TANGO6: variants seen among roughly 807,000 people sequenced by gnomAD.
TANGO6 encodes transport and golgi organization 6 homolog.
A neutral mutation model predicts 114.2 loss-of-function variants in TANGO6; 90 were observed. The ratio of observed to expected loss-of-function variants is 0.79; its 90% CI spans 0.66 to 0.94. TANGO6 has a LOEUF of 0.94. Ranked by LOEUF, TANGO6 falls within the 40% of genes least tolerant of loss-of-function variation. TANGO6 has a pLI of 0.00. For synonymous variants in TANGO6, 477 were observed against 509.8 expected (o/e 0.94, Z 0.87); for missense variants, 1,274 against 1,315.3 (o/e 0.97, Z 0.49).
Position 68,867,065 on chromosome 16 carries a change from C to A in TANGO6, c.853-14C>A. On this transcript the variant is annotated splice_polypyrimidine_tract_variant and intron_variant, in intron 3 of 17. Transcript: ENST00000261778. ...CAGTGACATTCAGAATTCACACCTT[C>A]TTCTTTTTCTCAGTCCTGCACAGAT... 6.9e-7 allele frequency: 1 copy of A among 1,449,392 alleles called. No individual in the cohort carries two copies. Among genetic ancestry groups the A allele is most frequent in the Non-Finnish European group, 9.2e-7 (1 of 1,082,668 alleles). The allele number at this position is 1,449,392 out of a possible 1,614,324, so 89.8% of individuals were successfully genotyped here.
At chr16:68,851,509 G>A (rs1415878900) in intron 1 of TANGO6, among the ~76,000 whole-genome samples, 1 of 152,162 alleles carries the variant, frequency 6.6e-6, no homozygotes, top group South Asian at 2.1e-4. Flanking sequence ...ATGATGGTAC[G>A]TATAAATCTT....
intron 15 of TANGO6, among the ~76,000 whole-genome samples, chr16:69,005,887 C>G (rs1597055138): frequency 6.6e-6 from 1 of 151,994 alleles, no homozygotes; most frequent in African/African-American, 2.4e-5. Flanking sequence ...ACATAAGGAC[C>G]TCCAAGAGTC....
At chr16:68,945,800 C>T (rs1401626191) in intron 14 of TANGO6, among the ~76,000 whole-genome samples, 1 of 151,960 alleles carries the variant, frequency 6.6e-6, no homozygotes. Flanking sequence ...ATTCTCCTGC[C>T]CCAGCCTCCT....
rs1962998725 is a variant in TANGO6, at chr16:68,916,015, G to A, written c.1993-3070G>A. ...ATTTGTGTGCTGTCATTTATTCAAA[G>A]GTGTTTTTACTTAAGTTGATTAATC... On this transcript the variant is annotated intron_variant, in intron 11 of 17. Coordinates refer to ENST00000261778, the MANE Select transcript of TANGO6 (RefSeq NM_024562.2). Among the ~76,000 whole-genome samples the A allele has an allele frequency of 2.6e-5, 4 of 152,204 alleles. No individual in the cohort carries two copies. The South Asian group carries it at 8.3e-4, about 32-fold the overall frequency.
rs550017051 is a variant in TANGO6, at chr16:68,893,434, G to A, written c.1378-7000G>A. Among the ~76,000 whole-genome samples the A allele has an allele frequency of 3.5e-4, 53 of 152,080 alleles. No individual in the cohort carries two copies. The South Asian group carries it at 8.5e-3, about 24-fold the overall frequency. The stretch of plus-strand genomic sequence containing the variant: ...TATGCTTCTTAGGAACATCTTTATC[G>A]TAGGTAGAAATCATACATGAAGTGG... On this transcript the variant is annotated intron_variant, in intron 7 of 17. Transcript: ENST00000261778.
chr16:68,994,137 T>C (rs1170612803), intron 15 of TANGO6, among the ~76,000 whole-genome samples: 5 of 152,334 alleles, frequency 3.3e-5, no homozygotes, highest in African/African-American at 1.2e-4. Context: ...AGTCCTGGCA[T>C]CTCCTGTTTC....
chr16:69,067,720 T>A, intron 17 of TANGO6, among the ~76,000 whole-genome samples: 1 of 151,380 alleles, frequency 6.6e-6, no homozygotes, highest in African/African-American at 2.4e-5. Flanking sequence ...GGCGGATCAC[T>A]TGAAGTTGGG....
chr16:68,853,839 G>A (rs149645160), intron 1 of TANGO6, among the ~76,000 whole-genome samples: 146 of 152,172 alleles, frequency 9.6e-4, no homozygotes, highest in African/African-American at 3.4e-3. Context: ...GTATGTAGTG[G>A]TATCTCATTG....
At chr16:68,872,874 T>A (rs9673651) in intron 4 of TANGO6, among the ~76,000 whole-genome samples, 12,462 of 151,360 alleles carry the variant, frequency 0.082, 1,013 homozygotes, top group African/African-American at 0.21. Context: ...TATATTTTTT[T>A]AAATTTTTAG....
At chr16:68,920,018 G>A (rs1034566386) in intron 12 of TANGO6, among the ~76,000 whole-genome samples, 1 of 152,346 alleles carries the variant, frequency 6.6e-6, no homozygotes, top group African/African-American at 2.4e-5. Flanking sequence ...TTGCACTCCA[G>A]CCTGGGTGAC....
At chr16:68,930,426 C>A in intron 14 of TANGO6, 131 bp downstream of exon 14, 1 of 695,354 alleles carries the variant, frequency 1.4e-6, no homozygotes. Flanking sequence ...TGCCTCCTAG[C>A]TAGGACACTT....
chr16:68,867,294 C>CT, intron 4 of TANGO6, 74 bp downstream of exon 4: 1 of 1,583,014 alleles, frequency 6.3e-7, no homozygotes, highest in Non-Finnish European at 8.6e-7. Flanking sequence ...AATTATTGGT[C>CT]TTTAGTATTT....
intron 15 of TANGO6, among the ~76,000 whole-genome samples, chr16:69,000,531 A>C (rs1964031262): frequency 6.6e-6 from 1 of 151,964 alleles, no homozygotes; most frequent in African/African-American, 2.4e-5. Flanking sequence ...GGCCAACTGA[A>C]TCTCTTTTCT....
At chr16:68,914,963 AC>A (rs1312650563) in intron 11 of TANGO6, among the ~76,000 whole-genome samples, 1 of 88,044 alleles carries the variant, frequency 1.1e-5, no homozygotes. Context: ...ATATCTACAC[AC>A]ACACACACAC....
At chr16:68,899,212 G>A (rs540744896) in intron 7 of TANGO6, among the ~76,000 whole-genome samples, 2 of 152,080 alleles carry the variant, frequency 1.3e-5, no homozygotes, top group Non-Finnish European at 2.9e-5. Flanking sequence ...GATTGAGGCT[G>A]CAGTGAGCTG....
intron 16 of TANGO6, among the ~76,000 whole-genome samples, chr16:69,027,524 C>T (rs767659690): frequency 6.0e-4 from 91 of 152,018 alleles, no homozygotes; most frequent in Non-Finnish European, 1.0e-3. Context: ...GGCATCTCAT[C>T]CTGTTTTAGA....
intron 6 of TANGO6, 93 bp from the exon 7 acceptor site, chr16:68,880,454 AG>A (rs745816229): frequency 9.2e-6 from 7 of 764,162 alleles, no homozygotes; most frequent in Non-Finnish European, 1.5e-5. Flanking sequence ...TTACTTACTG[AG>A]CCATCTTTCT....
chr16:68,974,234 G>A, intron 15 of TANGO6, 66 bp downstream of exon 15: 1 of 1,592,300 alleles, frequency 6.3e-7, no homozygotes, highest in Non-Finnish European at 8.6e-7. Flanking sequence ...AAACCAAAAT[G>A]TGTGTACCTG....
intron 17 of TANGO6, among the ~76,000 whole-genome samples, chr16:69,082,343 A>G (rs1004335303): frequency 6.6e-6 from 1 of 152,062 alleles, no homozygotes. Context: ...ATCTCAAGTA[A>G]TCTGCCCATT....
Sources: allele counts gnomAD v4.1 joint callset (sites outside exome capture counted in the v4.1 genomes callset), GRCh38; gene constraint gnomAD v4.1.1; transcripts MANE v1.5; gene names NCBI Gene and HGNC (gene_info 2026-07-23, HGNC 2026-07-21).